The following PCDH11X variants were observed in gnomAD, a reference collection of about 807,000 sequenced individuals.
PCDH11X encodes the protein protocadherin-11 X-linked.
Under a neutral mutation model 53.3 loss-of-function variants are expected in PCDH11X, and 18 were observed. The ratio of observed to expected loss-of-function variants is 0.34; its 90% confidence interval spans 0.23 to 0.50. PCDH11X has a LOEUF of 0.50. Among genes scored for constraint, PCDH11X ranks in the 20% least tolerant of loss-of-function variants. The probability of loss-of-function intolerance (pLI) is 0.98; values close to 1 mark genes in which losing one functional copy is unlikely to be tolerated. For missense variants in PCDH11X, 570 were observed against 1,032.4 expected (o/e 0.55, Z 6.14); for synonymous variants, 279 against 393.3 (o/e 0.71, Z 3.44).
intron 8 of PCDH11X, among the ~76,000 whole-genome samples, chrX:92,271,438 T>A (rs1248407027): frequency 8.9e-6 from 1 of 111,857 alleles, no homozygotes; most frequent in African/African-American, 3.3e-5. Context: ...AAAATGAAAG[T>A]ACACTCCATA....
At chrX:91,807,067 A>G (rs1454861859) in intron 1 of PCDH11X, among the ~76,000 whole-genome samples, 1 of 109,012 alleles carries the variant, frequency 9.2e-6, no homozygotes, top group Non-Finnish European at 1.9e-5. Flanking sequence ...GGTTGGACAC[A>G]GTGGCTGAAA....
intron 6 of PCDH11X, among the ~76,000 whole-genome samples, chrX:92,200,854 G>A (rs1211558930): frequency 9.2e-6 from 1 of 109,241 alleles, no homozygotes; most frequent in Non-Finnish European, 1.9e-5. Flanking sequence ...CAGCTTAAAT[G>A]TCAGCCATTT....
intron 10 of PCDH11X, among the ~76,000 whole-genome samples, chrX:92,508,007 G>A (rs1311461356): frequency 9.1e-6 from 1 of 109,394 alleles, no homozygotes; most frequent in South Asian, 4.0e-4. Context: ...TAGAGACGGG[G>A]TTTCACCATG....
At chrX:91,817,428 T>G (rs779938161) in intron 4 of PCDH11X, among the ~76,000 whole-genome samples, 108 of 106,010 alleles carry the variant, frequency 1.0e-3, no homozygotes, top group African/African-American at 3.1e-3. Context: ...ATTTTATACC[T>G]TTTTTGTCCC....
At chrX:92,012,073 G>T (rs148282577) in intron 6 of PCDH11X, among the ~76,000 whole-genome samples, 17 of 110,872 alleles carry the variant, frequency 1.5e-4, no homozygotes, top group African/African-American at 9.8e-5. Context: ...CAACCTAATA[G>T]GCAAATCTAG....
intron 9 of PCDH11X, among the ~76,000 whole-genome samples, chrX:92,436,818 G>T (rs1026922264): frequency 2.7e-5 from 3 of 109,680 alleles, no homozygotes; most frequent in South Asian, 4.0e-4. Context: ...CCTCCTTGAG[G>T]GTGGAGTTTT....
chrX:91,935,219 T>C (rs2061431898), intron 6 of PCDH11X, among the ~76,000 whole-genome samples: 3 of 109,419 alleles, frequency 2.7e-5, no homozygotes, highest in African/African-American at 6.6e-5. Context: ...AAAAAGGAAA[T>C]ATGCAAGTGA....
intron 8 of PCDH11X, among the ~76,000 whole-genome samples, chrX:92,266,224 A>G (rs2067826600): frequency 8.9e-6 from 1 of 112,163 alleles, no homozygotes; most frequent in Non-Finnish European, 1.9e-5. Context: ...AGTTAAATTC[A>G]TTTCTTGAAC....
intron 9 of PCDH11X, among the ~76,000 whole-genome samples, chrX:92,412,504 A>T (rs2071700182): frequency 1.7e-5 from 1 of 59,463 alleles, no homozygotes; most frequent in South Asian, 1.2e-3. Context: ...AAAATAAAGA[A>T]AATAGTATAT....
chrX:92,599,074 G>A (rs1049551412), intron 10 of PCDH11X, among the ~76,000 whole-genome samples: 1 of 111,178 alleles, frequency 9.0e-6, no homozygotes, highest in Non-Finnish European at 1.9e-5. Flanking sequence ...TGGCAGGGAT[G>A]GTTAATCATT....
At chrX:92,214,387 G>C (rs2066648083) in intron 7 of PCDH11X, among the ~76,000 whole-genome samples, 1 of 111,961 alleles carries the variant, frequency 8.9e-6, no homozygotes, top group Non-Finnish European at 1.9e-5. Context: ...CTCATTATTT[G>C]GTTCTCTTTG....
intron 3 of PCDH11X, 110 bp downstream of exon 3, chrX:91,810,688 A>T (rs1936267047): frequency 8.9e-6 from 1 of 112,264 alleles, no homozygotes; most frequent in Non-Finnish European, 1.9e-5. Context: ...TAACTGAAAA[A>T]TTTGAAATAG....
At chrX:92,094,837 A>G (rs1477222579) in intron 6 of PCDH11X, among the ~76,000 whole-genome samples, 5 of 112,115 alleles carry the variant, frequency 4.5e-5, no homozygotes, top group African/African-American at 1.3e-4. Context: ...TGAAATAAGT[A>G]AAGTATTAAT....
chrX:92,244,306 C>T (rs1184219940), intron 7 of PCDH11X, among the ~76,000 whole-genome samples: 1 of 107,266 alleles, frequency 9.3e-6, no homozygotes, highest in Non-Finnish European at 1.9e-5. Flanking sequence ...ATGCTTTAGG[C>T]AAACTAGATC....
chrX:92,472,490 T>G (rs1435948533), intron 10 of PCDH11X, among the ~76,000 whole-genome samples: 2 of 106,038 alleles, frequency 1.9e-5, no homozygotes, highest in Non-Finnish European at 3.9e-5. Context: ...CCTGTACCAG[T>G]GCCATGCCAT....
At chrX:92,024,476 C>T (rs1416020897) in intron 6 of PCDH11X, among the ~76,000 whole-genome samples, 1 of 110,279 alleles carries the variant, frequency 9.1e-6, no homozygotes, top group Non-Finnish European at 1.9e-5. Context: ...AGGATCTCTT[C>T]AAGGAGAACT....
At chrX:92,406,069 A>C (rs1469323488) in intron 9 of PCDH11X, among the ~76,000 whole-genome samples, 2 of 89,535 alleles carry the variant, frequency 2.2e-5, no homozygotes, top group Non-Finnish European at 4.2e-5. Context: ...ACTGCACTCC[A>C]GCCTGGGCAA....
At chrX:92,344,688 T>C (rs978999139) in intron 8 of PCDH11X, among the ~76,000 whole-genome samples, 16 of 99,340 alleles carry the variant, frequency 1.6e-4, no homozygotes, top group Non-Finnish European at 3.2e-4. Context: ...AGAAATAAGA[T>C]AAATTCATTT....
At chrX:92,066,689 T>A (rs1602802545) in intron 6 of PCDH11X, among the ~76,000 whole-genome samples, 1 of 112,679 alleles carries the variant, frequency 8.9e-6, no homozygotes, top group African/African-American at 3.2e-5. Flanking sequence ...TAATTTTGTA[T>A]CCTGCAACTA....
Sources: allele counts gnomAD v4.1 joint callset (sites outside exome capture counted in the v4.1 genomes callset), GRCh38; gene constraint gnomAD v4.1.1; transcripts MANE v1.5; gene names NCBI Gene and HGNC (gene_info 2026-07-23, HGNC 2026-07-21).